KLHDC10: variants seen among roughly 807,000 people sequenced by gnomAD.
The protein encoded by KLHDC10 is kelch domain containing 10, also known as kelch domain-containing protein 10.
KLHDC10 carries 24 observed loss-of-function variants against 56.1 expected under a neutral mutation model. The observed-to-expected ratio is 0.43, with a 90% CI of 0.31 to 0.60. The LOEUF (loss-of-function observed/expected upper bound fraction) is 0.60, where lower values mean the gene tolerates loss of function less well. Ranked by LOEUF, KLHDC10 falls within the 20% of genes least tolerant of loss-of-function variation. The pLI is 0.11. For synonymous variants in KLHDC10, 188 were observed against 207.1 expected, an observed-to-expected ratio of 0.91 and a Z score of 0.79; for missense variants, 349 against 567.0, an observed-to-expected ratio of 0.62 and a Z score of 3.91.
At chr7:130,119,267 T>G (rs1336505170) in intron 3 of KLHDC10, among the ~76,000 whole-genome samples, 1 of 151,740 alleles carries the variant, frequency 6.6e-6, no homozygotes, top group Non-Finnish European at 1.5e-5. Context: ...TCCCAGCACT[T>G]TGGGAGGCTG....
At position 130,130,556 on chromosome 7, in the gene KLHDC10, A is replaced by C. The variant is rs556851051; in HGVS notation, c.1139A>C (p.His380Pro). ...TCATAGGCTGGTTGCATGTACATTC[A>C]TGGAGGAGTGGTGAACATCCATGAA... is the stretch of plus-strand genomic sequence containing the variant. The part of the protein sequence containing the change: ...AVTPAGCMYI[H>P]GGVVNIHENK... Residue 380 changes from histidine to proline, a missense_variant, in exon 10 of 10, where the codon CAT (histidine) becomes CCT (proline). Physicochemically the swap from His to Pro is moderately conservative, Grantham distance 77 (BLOSUM62 -2). Around this residue, in one of 2 missense-constraint regions of KLHDC10, gnomAD observed 245 missense variants for 470.1 expected, o/e 0.52. Coordinates refer to ENST00000335420, the MANE Select transcript of KLHDC10 (RefSeq NM_014997.4). This position sits in a 1 kb window ranked among gnomAD's most constrained non-coding sequence, Gnocchi z 4.2. The C allele has an allele frequency of 6.2e-7, 1 of 1,613,990 alleles. No homozygotes were observed. Among genetic ancestry groups the C allele is most frequent in the African/African-American group, 1.3e-5 (1 of 74,966 alleles).
At chr7:130,093,548 G>A (rs945078373) in intron 1 of KLHDC10, among the ~76,000 whole-genome samples, 2 of 151,994 alleles carry the variant, frequency 1.3e-5, no homozygotes, top group Non-Finnish European at 2.9e-5. Context: ...TTGAAGAGTC[G>A]AAGCTATCAC....
chr7:130,079,175 A>C (rs1278194960), intron 1 of KLHDC10, among the ~76,000 whole-genome samples: 1 of 151,630 alleles, frequency 6.6e-6, no homozygotes. Context: ...CTCCTGGCTC[A>C]GCCTCCCGGG....
intron 1 of KLHDC10, among the ~76,000 whole-genome samples, chr7:130,086,133 A>G (rs1795686971): frequency 6.6e-6 from 1 of 152,174 alleles, no homozygotes; most frequent in Admixed American, 6.5e-5. Context: ...TTTTTAAAGT[A>G]AGCAGTCCTT....
At chr7:130,112,402 C>T (rs1219242903) in intron 2 of KLHDC10, among the ~76,000 whole-genome samples, 3 of 152,150 alleles carry the variant, frequency 2.0e-5, no homozygotes, top group Non-Finnish European at 4.4e-5. Flanking sequence ...AAGTGTTTAC[C>T]TGTGAATACA....
In KLHDC10 at chr7:130,133,395, A is replaced by G. The variant is rs1025341051; in HGVS notation, c.*2649A>G. 6.6e-5 allele frequency: 10 copies of G among 152,258 alleles called. No homozygotes were observed. Among genetic ancestry groups the G allele is most frequent in the Admixed American group, 3.3e-4 (5 of 15,284 alleles). 9.4% of individuals were successfully genotyped at this position (152,258 alleles called of 1,614,324 possible). A position where few individuals can be genotyped will look rare whatever the true frequency, so the allele number is the denominator to read the frequency against. Reference sequence around the variant, plus strand: ...AAATTTAAGTGCAATATATAGAAACATATGGATATATACAGATTATATATA... The same window carrying G: ...AAATTTAAGTGCAATATATAGAAACGTATGGATATATACAGATTATATATA... On this transcript the variant is annotated 3_prime_UTR_variant, in exon 10 of 10. Transcript: ENST00000335420.
At chr7:130,080,041 A>G (rs932713149) in intron 1 of KLHDC10, among the ~76,000 whole-genome samples, 3 of 151,816 alleles carry the variant, frequency 2.0e-5, no homozygotes, top group African/African-American at 7.3e-5. Flanking sequence ...TCCTGGGCAC[A>G]TGCCAACCTC....
chr7:130,120,117 T>A lies in KLHDC10; in HGVS notation c.476-632T>A, dbSNP rs901432307. Among the ~76,000 whole-genome samples, 1 of 152,184 alleles carries A rather than the reference T, an allele frequency of 6.6e-6. No homozygotes were observed. Among genetic ancestry groups the A allele is most frequent in the Non-Finnish European group, 1.5e-5 (1 of 68,040 alleles). On this transcript the variant is annotated intron_variant, in intron 3 of 9. Transcript: ENST00000335420. The surrounding 1 kb of genome is among the most constrained non-coding windows in gnomAD (Gnocchi z 5.1). ...TCATTCTCCTGGCAAAAACAGAATG[T>A]CCCTTTAGTCCCTTTATTCTGAGTC...
intron 2 of KLHDC10, among the ~76,000 whole-genome samples, chr7:130,106,024 C>G (rs757107477): frequency 2.6e-4 from 40 of 152,058 alleles, no homozygotes; most frequent in Non-Finnish European, 3.8e-4. Flanking sequence ...TGGTGCATGC[C>G]TGTAATCCTG....
At chr7:130,082,130 T>C (rs1242656718) in intron 1 of KLHDC10, among the ~76,000 whole-genome samples, 1 of 152,114 alleles carries the variant, frequency 6.6e-6, no homozygotes, top group African/African-American at 2.4e-5. Context: ...ATGGGTAACA[T>C]AGTGAGACCT....
chr7:130,084,764 G>A (rs538485292), intron 1 of KLHDC10, among the ~76,000 whole-genome samples: 24 of 148,150 alleles, frequency 1.6e-4, no homozygotes, highest in Non-Finnish European at 2.7e-4. Context: ...GTGACAGAGC[G>A]AGACTCTGAA....
rs146772443 is a variant in KLHDC10 at position 130,130,098 on chromosome 7, C to T, written c.1120-439C>T. ...TTGGGAGGCCAAGGTGGGCGGATCA[C>T]GAGGTCAGGAGATTGAGACCATCCT... is the stretch of plus-strand genomic sequence containing the variant. On this transcript the variant is annotated intron_variant, in intron 9 of 9. Transcript: ENST00000335420. The surrounding 1 kb of genome is among the most constrained non-coding windows in gnomAD (Gnocchi z 4.2). Among the ~76,000 whole-genome samples, 4,129 of 151,934 alleles carry T rather than the reference C, an allele frequency of 0.027. 189 individuals carry two copies. The highest frequency in any genetic ancestry group is 0.095 in the African/African-American group (3,914 of 41,406).
In KLHDC10 at chr7:130,077,038, A is replaced by G. The variant is rs371277841; in HGVS notation, c.166+6229A>G. Among the ~76,000 whole-genome samples the G allele has an allele frequency of 2.1e-4, 32 of 152,262 alleles. No homozygotes were observed. In the East Asian group the frequency reaches 2.3e-3, roughly 11 times the overall value. On this transcript the variant is annotated intron_variant, in intron 1 of 9. Transcript: ENST00000335420. The stretch of plus-strand genomic sequence containing the variant: ...GTTTTGAGGTTCAAAAACAGGGTCT[A>G]TATTCATTTCTTTATGTTCAAGAAC...
intron 1 of KLHDC10, among the ~76,000 whole-genome samples, chr7:130,091,529 C>T (rs1275706613): frequency 1.3e-5 from 2 of 151,340 alleles, no homozygotes; most frequent in Non-Finnish European, 3.0e-5. Context: ...GTGAAGCCAG[C>T]TAGTATTCTT....
chr7:130,080,234 G>A (rs1450980283), intron 1 of KLHDC10, among the ~76,000 whole-genome samples: 1 of 152,094 alleles, frequency 6.6e-6, no homozygotes, highest in Admixed American at 6.6e-5. Context: ...GAGCCACTGT[G>A]CCTGGCCCTT....
rs544373260 is a variant in KLHDC10 at position 130,120,789 on chromosome 7, G to A, written c.516G>A (p.Thr172=). ...ACAACCTGTTAGTATTTGGAGGTAC[G>A]GGCATCCCATTTGGAGAGAGCAACG... The part of the protein sequence containing the change: ...HGNNLLVFGG[T]GIPFGESNGN... The change falls in exon 4 of 10, where the codon ACG becomes ACA. Residue 172 remains threonine (T), a synonymous_variant. Coordinates refer to ENST00000335420, the MANE Select transcript of KLHDC10 (RefSeq NM_014997.4). This position sits in a 1 kb window ranked among gnomAD's most constrained non-coding sequence, Gnocchi z 5.1. 2.8e-5 allele frequency: 45 copies of A among 1,614,060 alleles called. No individual in the cohort carries two copies. Among genetic ancestry groups the A allele is most frequent in the Middle Eastern group, 3.3e-4 (2 of 6,060 alleles).
chr7:130,116,534 G>A lies in KLHDC10; in HGVS notation c.343G>A (p.Asp115Asn), dbSNP rs759879602. Residue 115 changes from aspartate (D) to asparagine (N), a missense_variant, in exon 3 of 10, where the codon GAT becomes AAT. Asp to Asn is a conservative substitution (Grantham distance 23, BLOSUM62 1). Coordinates refer to ENST00000335420, the MANE Select transcript of KLHDC10 (RefSeq NM_014997.4). The surrounding 1 kb of genome is among the most constrained non-coding windows in gnomAD (Gnocchi z 4.8). ...GTTTGGAGGTTATAACCCAGATTAT[G>A]ATGAATCGGGAGGGCCTGATAATGA... ...YVFGGYNPDY[D>N]ESGGPDNEDY... 3.7e-5 allele frequency: 60 copies of A among 1,614,156 alleles called. No individual in the cohort carries two copies. In the East Asian group the frequency reaches 1.3e-3, roughly 36 times the overall value.
chr7:130,104,615 A>T (rs1183396619), intron 2 of KLHDC10, among the ~76,000 whole-genome samples: 1 of 152,206 alleles, frequency 6.6e-6, no homozygotes, highest in African/African-American at 2.4e-5. Context: ...AAGAGGTTTA[A>T]TTGACTCACG....
At chr7:130,080,515 C>T (rs1795588423) in intron 1 of KLHDC10, among the ~76,000 whole-genome samples, 1 of 151,990 alleles carries the variant, frequency 6.6e-6, no homozygotes, top group Non-Finnish European at 1.5e-5. Context: ...TCCTTAGCCA[C>T]CTGAGTAGCT....
Sources: allele counts gnomAD v4.1 joint callset (sites outside exome capture counted in the v4.1 genomes callset), GRCh38; gene constraint gnomAD v4.1.1; regional missense constraint gnomAD v4.1.1; non-coding constraint Gnocchi (gnomAD v3.1); transcripts MANE v1.5; gene names NCBI Gene and HGNC (gene_info 2026-07-23, HGNC 2026-07-21).